MFSD1: variants seen among roughly 807,000 people sequenced by gnomAD.
MFSD1 encodes lysosomal dipeptide transporter MFSD1.
MFSD1 carries 59 observed loss-of-function variants against 67.1 expected under a neutral mutation model. The observed-to-expected ratio is 0.88, with a 90% CI of 0.71 to 1.09. The LOEUF is 1.09. MFSD1 is among the 50% of genes least tolerant of loss of function. The probability of loss-of-function intolerance (pLI) is 0.00; values close to 1 mark genes in which losing one functional copy is unlikely to be tolerated. For synonymous variants in MFSD1, 213 were observed against 200.3 expected (o/e 1.06, Z -0.54); for missense variants, 552 against 566.1 (o/e 0.97, Z 0.25).
intron 15 of MFSD1, among the ~76,000 whole-genome samples, chr3:158,827,708 G>T (rs536829318): frequency 2.0e-5 from 3 of 152,010 alleles, no homozygotes; most frequent in African/African-American, 7.2e-5. Flanking sequence ...GAGCCACTGC[G>T]CCTGGCCTGG....
At position 158,827,335 on chromosome 3, in the gene MFSD1, TGA is replaced by T. The variant is rs1464016266; in HGVS notation, c.1394_1394+1del. The T allele has an allele frequency of 6.6e-7, 1 of 1,524,964 alleles. No individual in the cohort carries two copies. Among genetic ancestry groups the T allele is most frequent in the Non-Finnish European group, 8.8e-7 (1 of 1,132,514 alleles). The allele number at this position is 1,524,964 out of a possible 1,614,324, so 94.5% of individuals were successfully genotyped here. A position where few individuals can be genotyped will look rare whatever the true frequency, so the allele number is the denominator to read the frequency against. On this transcript the variant is annotated frameshift_variant and splice_region_variant, in exon 15 of 16. Coordinates refer to ENST00000415822, the MANE Select transcript of MFSD1 (RefSeq NM_022736.4). LOFTEE classifies it high-confidence loss of function. ...QREEIKFSHT[E>X] ...GGGAAGAAATAAAATTTTCCCATACTGAGTAAGTATTAAAAGGGTAAAAAGTT... is the reference window on the plus strand; with the variant it reads ...GGGAAGAAATAAAATTTTCCCATACTGTAAGTATTAAAAGGGTAAAAAGTT...
intron 1 of MFSD1, among the ~76,000 whole-genome samples, chr3:158,803,536 A>G (rs1729564455): frequency 6.6e-6 from 1 of 152,138 alleles, no homozygotes; most frequent in South Asian, 2.1e-4. Flanking sequence ...TTTTTGGTAA[A>G]TTCTGGTTAT....
In MFSD1 at chr3:158,805,484, A is replaced by C. The variant is rs1174105240; in HGVS notation, c.329+10A>C. The C allele has an allele frequency of 1.9e-6, 3 of 1,564,640 alleles. No homozygotes were observed. The highest frequency in any genetic ancestry group is 2.2e-5 in the East Asian group (1 of 44,582). Reference sequence around the variant, plus strand: ...GAGTATTTGGAATACGGTAAGCTTGAAAAGAAACTATGGGTAAATCTTACC... The same window carrying C: ...GAGTATTTGGAATACGGTAAGCTTGCAAAGAAACTATGGGTAAATCTTACC... On this transcript the variant is annotated intron_variant, in intron 3 of 15. Transcript: ENST00000415822.
chr3:158,826,756 C>G (rs938816257), intron 14 of MFSD1, among the ~76,000 whole-genome samples: 1 of 151,746 alleles, frequency 6.6e-6, no homozygotes, highest in Non-Finnish European at 1.5e-5. Context: ...CAGCCTCAAC[C>G]TCCCAGGATC....
At chr3:158,827,454 G>A (rs537883108) in intron 15 of MFSD1, 117 bp downstream of exon 15, 38 of 553,044 alleles carry the variant, frequency 6.9e-5, no homozygotes, top group African/African-American at 2.7e-4. Flanking sequence ...CATGCTTGTC[G>A]TCCAGGCTGG....
intron 7 of MFSD1, among the ~76,000 whole-genome samples, chr3:158,818,956 G>A (rs143045658): frequency 1.1e-4 from 16 of 152,314 alleles, no homozygotes; most frequent in East Asian, 3.9e-4. Flanking sequence ...TAGAGCTCAC[G>A]TCTACTGATG....
rs2108243332 is a variant in MFSD1, at chr3:158,829,167, G to C, written c.*185G>C. On this transcript the variant is annotated 3_prime_UTR_variant, in exon 16 of 16. Transcript: ENST00000415822. ...TGTTTTAGCCTGTGTCTTTTGTATT[G>C]TGTGTTGCTAAAGAATTCTACTTTT... 5 of 419,602 alleles carry C rather than the reference G, an allele frequency of 1.2e-5. No individual in the cohort carries two copies. The East Asian group carries it at 1.9e-4, about 16-fold the overall frequency. The allele number at this position is 419,602 out of a possible 1,614,324, so 26.0% of individuals were successfully genotyped here. A position where few individuals can be genotyped will look rare whatever the true frequency, so the allele number is the denominator to read the frequency against.
intron 9 of MFSD1, 67 bp downstream of exon 9, chr3:158,820,393 T>C (rs2108228647): frequency 1.8e-6 from 2 of 1,121,774 alleles, no homozygotes; most frequent in South Asian, 2.6e-5. Flanking sequence ...CACATAAATG[T>C]AGTTTTTAAA....
chr3:158,810,362 A>G (rs1559917010), intron 6 of MFSD1, among the ~76,000 whole-genome samples: 1 of 152,200 alleles, frequency 6.6e-6, no homozygotes, highest in Non-Finnish European at 1.5e-5. Flanking sequence ...TTTGATTTTT[A>G]GTATATGTGC....
chr3:158,826,834 AT>A (rs1730992196), intron 14 of MFSD1, among the ~76,000 whole-genome samples: 3 of 151,906 alleles, frequency 2.0e-5, no homozygotes, highest in Admixed American at 1.3e-4. Flanking sequence ...CAGCCAGCTA[AT>A]TTTAAAATTT....
intron 10 of MFSD1, 83 bp from the exon 11 acceptor site, chr3:158,821,901 T>C: frequency 2.1e-6 from 3 of 1,416,100 alleles, no homozygotes; most frequent in Non-Finnish European, 2.0e-6. Flanking sequence ...GGATTTGCTT[T>C]GCCTGATATT....
chr3:158,825,089 G>A (rs1730895616), intron 13 of MFSD1: 1 of 152,196 alleles, frequency 6.6e-6, no homozygotes, highest in South Asian at 2.1e-4. Context: ...TCAGTCCACA[G>A]TTCAACATGT....
rs1480653878 is a variant in MFSD1 at position 158,807,476 on chromosome 3, T to G, written c.440+13T>G. ...GATTTGTATTTGGGTAAGTTATGCATAATTTAATTTATCCTAATGTATTAT... is the reference window on the plus strand; with the variant it reads ...GATTTGTATTTGGGTAAGTTATGCAGAATTTAATTTATCCTAATGTATTAT... On this transcript the variant is annotated intron_variant, in intron 5 of 15. Transcript: ENST00000415822. The G allele has an allele frequency of 1.0e-5, 16 of 1,571,010 alleles. No homozygotes were observed. The highest frequency in any genetic ancestry group is 1.4e-5 in the Non-Finnish European group (16 of 1,141,580).
chr3:158,821,179 G>GT (rs1442131735), intron 9 of MFSD1, among the ~76,000 whole-genome samples: 1 of 151,234 alleles, frequency 6.6e-6, no homozygotes, highest in Non-Finnish European at 1.5e-5. Flanking sequence ...GCAGCGCAAT[G>GT]TAAGTGTGTT....
At chr3:158,824,335 C>G in intron 13 of MFSD1, 99 bp downstream of exon 13, 1 of 818,636 alleles carries the variant, frequency 1.2e-6, no homozygotes, top group Non-Finnish European at 2.0e-6. Context: ...TAATTCTCAC[C>G]TGTGAATTAG....
intron 11 of MFSD1, 98 bp downstream of exon 11, chr3:158,822,238 C>A: frequency 2.6e-6 from 3 of 1,136,184 alleles, no homozygotes; most frequent in Non-Finnish European, 3.7e-6. Flanking sequence ...GATGACAAGG[C>A]CTATGATAGT....
intron 14 of MFSD1, among the ~76,000 whole-genome samples, chr3:158,826,490 G>A (rs988880933): frequency 2.6e-5 from 4 of 151,630 alleles, no homozygotes; most frequent in Non-Finnish European, 4.4e-5. Flanking sequence ...TTGCTAATTC[G>A]TACTGTATGC....
At chr3:158,826,572 T>TATATAA (rs1730973702) in intron 14 of MFSD1, among the ~76,000 whole-genome samples, 1 of 151,908 alleles carries the variant, frequency 6.6e-6, no homozygotes, top group African/African-American at 2.4e-5. Context: ...AACTGCTTGC[T>TATATAA]CCTAAAGAGT....
chr3:158,815,719 T>G (rs1576906379), intron 7 of MFSD1, among the ~76,000 whole-genome samples: 1 of 151,756 alleles, frequency 6.6e-6, no homozygotes, highest in African/African-American at 2.4e-5. Flanking sequence ...TAGTTACATA[T>G]GTATACATGT....
Sources: gnomAD v4.1 joint callset for allele counts (sites outside exome capture counted in the v4.1 genomes callset) on GRCh38, gnomAD v4.1.1 for gene constraint, MANE v1.5 for transcripts, NCBI Gene and HGNC (gene_info 2026-07-23, HGNC 2026-07-21) for gene names.